SLC12A1: variants seen among roughly 807,000 people sequenced by gnomAD.
SLC12A1 encodes Na-K-2Cl cotransporter.
In SLC12A1, 89 loss-of-function variants were observed where a neutral mutation model predicts 130.4. The ratio of observed to expected loss-of-function variants is 0.68; its 90% CI spans 0.58 to 0.81. The LOEUF is 0.81. SLC12A1 is among the 40% of genes least tolerant of loss of function. The probability of loss-of-function intolerance (pLI) is 0.00; values close to 1 mark genes in which losing one functional copy is unlikely to be tolerated. For synonymous variants in SLC12A1, 499 were observed against 460.0 expected (o/e 1.08, Z -1.09); for missense variants, 1,310 against 1,336.4 (o/e 0.98, Z 0.31).
At position 48,297,745 on chromosome 15, in the gene SLC12A1, C is replaced by G. The variant is rs56717025; in HGVS notation, c.2961-1395C>G. Among the ~76,000 whole-genome samples the G allele has an allele frequency of 1.2e-3, 183 of 152,282 alleles. No homozygotes were observed. The East Asian group carries it at 0.014, about 12-fold the overall frequency. ...TCACCCAAATACTCACAGTGACTCT[C>G]AAGCCAGTTTCTAGCAGCCATTGTT... On this transcript the variant is annotated intron_variant, in intron 24 of 26. Coordinates refer to ENST00000380993, the MANE Select transcript of SLC12A1 (RefSeq NM_000338.3).
At chr15:48,258,408 C>G (rs2041733872) in intron 16 of SLC12A1, among the ~76,000 whole-genome samples, 1 of 147,352 alleles carries the variant, frequency 6.8e-6, no homozygotes, top group South Asian at 2.2e-4. Context: ...ACTCCAGTTC[C>G]CAAGGAGTTC....
intron 2 of SLC12A1, among the ~76,000 whole-genome samples, chr15:48,211,431 T>C (rs1194012051): frequency 6.6e-6 from 1 of 152,240 alleles, no homozygotes; most frequent in Non-Finnish European, 1.5e-5. Context: ...TGCCACCTCC[T>C]TGTGGCCCTT....
At chr15:48,228,533 A>G (rs1392067580) in intron 5 of SLC12A1, 1 of 169,632 alleles carries the variant, frequency 5.9e-6, no homozygotes, top group Non-Finnish European at 1.3e-5. Context: ...TATGCAGCAC[A>G]TATATATCAG....
chr15:48,297,600 A>C (rs2042190974), intron 24 of SLC12A1, among the ~76,000 whole-genome samples: 1 of 152,252 alleles, frequency 6.6e-6, no homozygotes, highest in Non-Finnish European at 1.5e-5. Context: ...CATCCTGATC[A>C]AAATAAGTAT....
intron 5 of SLC12A1, 39 bp downstream of exon 5, chr15:48,226,610 T>C (rs1597406025): frequency 7.8e-7 from 1 of 1,274,508 alleles, no homozygotes; most frequent in Non-Finnish European, 1.1e-6. Flanking sequence ...CATCACTTGC[T>C]ACGGGTAGGC....
chr15:48,269,333 T>C (rs981421948), intron 18 of SLC12A1, among the ~76,000 whole-genome samples: 2 of 152,210 alleles, frequency 1.3e-5, no homozygotes, highest in African/African-American at 4.8e-5. Flanking sequence ...AGTTACAACA[T>C]GCATACCAAC....
At chr15:48,267,124 C>T (rs2041840211) in intron 17 of SLC12A1, among the ~76,000 whole-genome samples, 1 of 152,198 alleles carries the variant, frequency 6.6e-6, no homozygotes, top group Non-Finnish European at 1.5e-5. Flanking sequence ...TTGCAGGTCA[C>T]CATGTTCTAC....
intron 5 of SLC12A1, chr15:48,227,518 G>A: frequency 3.4e-6 from 1 of 291,766 alleles, no homozygotes; most frequent in Non-Finnish European, 6.5e-6. Flanking sequence ...CTTCTCCAAT[G>A]CCCCAGATGG....
chr15:48,229,497 G>A (rs1381618993), intron 6 of SLC12A1, among the ~76,000 whole-genome samples, 169 bp downstream of exon 6: 1 of 152,144 alleles, frequency 6.6e-6, no homozygotes, highest in African/African-American at 2.4e-5. Context: ...CCAGGTTCTC[G>A]CACTTACCAG....
intron 18 of SLC12A1, among the ~76,000 whole-genome samples, chr15:48,267,958 C>T (rs1355935227): frequency 6.6e-6 from 1 of 152,100 alleles, no homozygotes; most frequent in Non-Finnish European, 1.5e-5. Flanking sequence ...ACATTCTGCC[C>T]CCGTACTTAT....
At chr15:48,213,745 G>A (rs1333344561) in intron 2 of SLC12A1, among the ~76,000 whole-genome samples, 1 of 151,864 alleles carries the variant, frequency 6.6e-6, no homozygotes, top group Non-Finnish European at 1.5e-5. Flanking sequence ...GGATGGTCTC[G>A]ATCTCCTGAC....
chr15:48,302,720 C>A, intron 26 of SLC12A1, 30 bp from the exon 27 acceptor site: 1 of 1,538,634 alleles, frequency 6.5e-7, no homozygotes, highest in Non-Finnish European at 8.8e-7. Context: ...TTTTCACTTT[C>A]ATTTTTAAAT....
At chr15:48,235,136 G>A (rs977082598) in intron 9 of SLC12A1, 132 bp downstream of exon 9, 1 of 989,764 alleles carries the variant, frequency 1.0e-6, no homozygotes, top group South Asian at 1.3e-5. Context: ...AAGATTTCCT[G>A]ATGATTTAAA....
intron 5 of SLC12A1, 102 bp downstream of exon 5, chr15:48,226,673 C>A: frequency 1.3e-6 from 1 of 742,384 alleles, no homozygotes; most frequent in South Asian, 1.7e-5. Context: ...GCCCGATGTT[C>A]TTGAAGCCTG....
chr15:48,251,720 C>T lies in SLC12A1; in HGVS notation c.1892C>T (p.Thr631Ile). Residue 631 changes from threonine (T) to isoleucine (I), a missense_variant, in exon 15 of 27, where the codon ACC becomes ATC. Physicochemically the swap from Thr to Ile is moderately conservative, Grantham distance 89. Transcript: ENST00000380993. ...FVINWWAAVITYVIEFFLYVY... is the reference protein window; with the variant it reads ...FVINWWAAVIIYVIEFFLYVY... The stretch of plus-strand genomic sequence containing the variant: ...ATCAACTGGTGGGCAGCTGTCATCA[C>T]CTATGTCATTGAATTCTTCCTTTAC... 1 of 1,613,856 alleles carries T rather than the reference C, an allele frequency of 6.2e-7. No individual in the cohort carries two copies. Among genetic ancestry groups the T allele is most frequent in the Non-Finnish European group, 8.5e-7 (1 of 1,179,800 alleles).
intron 11 of SLC12A1, 72 bp downstream of exon 11, chr15:48,244,976 CT>C: frequency 1.4e-6 from 2 of 1,380,636 alleles, no homozygotes; most frequent in Non-Finnish European, 2.0e-6. Flanking sequence ...AGTAAGATTT[CT>C]GAATCTGCAA....
At chr15:48,284,001 G>A (rs944734800) in intron 20 of SLC12A1, among the ~76,000 whole-genome samples, 11 of 152,280 alleles carry the variant, frequency 7.2e-5, no homozygotes, top group African/African-American at 1.9e-4. Flanking sequence ...GGAAATTTTC[G>A]TCACAATCGG....
rs2040999078 is a variant in SLC12A1, at chr15:48,207,774, A to G, written c.55A>G (p.Asn19Asp). Residue 19 changes from asparagine (N) to aspartate (D), a missense_variant, in exon 2 of 27, where the codon AAT becomes GAT. Transcript: ENST00000380993. Reference sequence around the variant, plus strand: ...TCTGGATTCAGTGCCCAGTAATACCAATCGCTTTCAAGTTAGTGTCATAAA... The same window carrying G: ...TCTGGATTCAGTGCCCAGTAATACCGATCGCTTTCAAGTTAGTGTCATAAA... ...VFLDSVPSNT[N>D]RFQVSVINEN... 3.1e-6 allele frequency: 5 copies of G among 1,612,380 alleles called. No individual in the cohort carries two copies. The highest frequency in any genetic ancestry group is 2.5e-6 in the Non-Finnish European group (3 of 1,179,248).
At chr15:48,296,027 C>A (rs2042174576) in intron 24 of SLC12A1, among the ~76,000 whole-genome samples, 7 of 152,184 alleles carry the variant, frequency 4.6e-5, no homozygotes, top group Admixed American at 4.6e-4. Flanking sequence ...AGAACTCTTC[C>A]TCTGGGCTGA....
Sources: allele counts gnomAD v4.1 joint callset (sites outside exome capture counted in the v4.1 genomes callset), GRCh38; gene constraint gnomAD v4.1.1; transcripts MANE v1.5; gene names NCBI Gene and HGNC (gene_info 2026-07-23, HGNC 2026-07-21).